Variants in PLEKHG1 observed in about 807,000 individuals in gnomAD.
The protein encoded by PLEKHG1 is pleckstrin homology domain-containing family G member 1.
In PLEKHG1, 44 loss-of-function variants were observed where a neutral mutation model predicts 100.8. That is an observed-to-expected ratio of 0.44 (90% CI 0.34 to 0.56). PLEKHG1 has a LOEUF of 0.56. PLEKHG1 is among the 20% of genes least tolerant of loss of function. PLEKHG1 has a pLI of 0.01. For missense variants in PLEKHG1, 1,545 were observed against 1,720.9 expected (o/e 0.90, Z 1.81); for synonymous variants, 640 against 662.5 (o/e 0.97, Z 0.52).
chr6:150,703,414 A>G (rs967980592), intron 3 of PLEKHG1, among the ~76,000 whole-genome samples: 1 of 152,146 alleles, frequency 6.6e-6, no homozygotes, highest in Non-Finnish European at 1.5e-5. Context: ...CAGCCTGGCC[A>G]ACATGGTGAA....
rs545760951 is a variant in PLEKHG1 at position 150,727,666 on chromosome 6, G to A, written c.-98-5918G>A. 9.2e-5 allele frequency among the ~76,000 whole-genome samples: 14 copies of A among 151,760 alleles called. No homozygotes were observed. In the East Asian group the frequency reaches 2.7e-3, roughly 29 times the overall value. On this transcript the variant is annotated intron_variant, in intron 1 of 15. Coordinates refer to ENST00000358517, the Ensembl canonical transcript of PLEKHG1. ...GGCTAACCAGTGCTTTTCATTGTGCGACTCAGTAAGTCTCTAAGGTTCCTC... is the reference window on the plus strand; with the variant it reads ...GGCTAACCAGTGCTTTTCATTGTGCAACTCAGTAAGTCTCTAAGGTTCCTC...
intron 10 of PLEKHG1, 44 bp downstream of exon 11, chr6:150,809,778 A>G (rs1192805819): frequency 6.8e-7 from 1 of 1,471,466 alleles, no homozygotes; most frequent in South Asian, 1.2e-5. Flanking sequence ...GAGAGATACA[A>G]GAATCATTTG....
intron 1 of PLEKHG1, among the ~76,000 whole-genome samples, chr6:150,616,988 A>C (rs1252598754): frequency 6.6e-6 from 1 of 152,250 alleles, no homozygotes; most frequent in African/African-American, 2.4e-5. Flanking sequence ...GATTAAAAAG[A>C]AAATCAAGAA....
intron 7 of PLEKHG1, among the ~76,000 whole-genome samples, chr6:150,808,432 TC>T (rs577221415): frequency 1.3e-5 from 2 of 150,626 alleles, no homozygotes; most frequent in Non-Finnish European, 3.0e-5. Flanking sequence ...TTTTTTTTTT[TC>T]CCAGAGAGGA....
chr6:150,686,026 C>T (rs1780117800), intron 3 of PLEKHG1, among the ~76,000 whole-genome samples: 1 of 152,242 alleles, frequency 6.6e-6, no homozygotes, highest in Admixed American at 6.5e-5. Context: ...CTAGAACTTT[C>T]TAGAGCTACT....
intron 2 of PLEKHG1, among the ~76,000 whole-genome samples, chr6:150,649,320 T>G (rs1778620941): frequency 6.6e-6 from 1 of 152,218 alleles, no homozygotes; most frequent in Admixed American, 6.5e-5. Context: ...TTCAAAAATT[T>G]TGGAATCCGG....
intron 1 of PLEKHG1, among the ~76,000 whole-genome samples, chr6:150,727,553 C>T (rs748140727): frequency 2.1e-4 from 32 of 152,064 alleles, no homozygotes; most frequent in Non-Finnish European, 4.1e-4. Context: ...GTATGAAAGT[C>T]TAGCTACATA....
intron 3 of PLEKHG1, among the ~76,000 whole-genome samples, chr6:150,708,808 A>G (rs1213532999): frequency 6.6e-6 from 1 of 152,200 alleles, no homozygotes; most frequent in African/African-American, 2.4e-5. Context: ...TTGGGATGCA[A>G]CCACAAATGA....
At chr6:150,807,447 G>C (rs1787191129) in intron 7 of PLEKHG1, among the ~76,000 whole-genome samples, 1 of 152,122 alleles carries the variant, frequency 6.6e-6, no homozygotes, top group South Asian at 2.1e-4. Flanking sequence ...TTTTCAACCA[G>C]TAAAGTTTTT....
chr6:150,840,085 C>T (rs1256411237), exon 16 of PLEKHG1: 1 of 1,614,178 alleles, frequency 6.2e-7, no homozygotes, highest in Admixed American at 1.7e-5. Context: ...GAGATCAATA[C>T]AAAAAGTACT....
At chr6:150,639,028 CT>C (rs1215500481) in intron 2 of PLEKHG1, among the ~76,000 whole-genome samples, 1 of 152,194 alleles carries the variant, frequency 6.6e-6, no homozygotes, top group Non-Finnish European at 1.5e-5. Flanking sequence ...TTCACTTCCT[CT>C]GGAAAGCCCA....
intron 3 of PLEKHG1, among the ~76,000 whole-genome samples, chr6:150,709,529 A>T (rs923626448): frequency 6.6e-6 from 1 of 152,192 alleles, no homozygotes; most frequent in Non-Finnish European, 1.5e-5. Context: ...ACCCCAAATC[A>T]TGGAACCTTA....
At chr6:150,792,133 T>G (rs184819915) in intron 4 of PLEKHG1, among the ~76,000 whole-genome samples, 135 of 152,156 alleles carry the variant, frequency 8.9e-4, no homozygotes, top group Middle Eastern at 3.4e-3. Context: ...AAGTTGTATT[T>G]TATCCTTTAA....
Position 150,818,234 on chromosome 6 carries a change from A to C in PLEKHG1, c.1312+18A>C. 1 of 1,558,554 alleles carries C rather than the reference A, an allele frequency of 6.4e-7. No individual in the cohort carries two copies. On this transcript the variant is annotated intron_variant, in intron 11 of 15. Coordinates refer to ENST00000358517, the Ensembl canonical transcript of PLEKHG1. ...TGCCATTCGTAAGTTTTATTTCCTT[A>C]AAACAATTTGAAATTTCATTGTCTG...
At chr6:150,725,183 C>T (rs1781898377) in intron 1 of PLEKHG1, among the ~76,000 whole-genome samples, 1 of 152,084 alleles carries the variant, frequency 6.6e-6, no homozygotes, top group Non-Finnish European at 1.5e-5. Flanking sequence ...TCCTGTGTAT[C>T]CTCACATGGC....
chr6:150,676,259 G>A (rs2128587322), intron 3 of PLEKHG1, among the ~76,000 whole-genome samples: 1 of 152,282 alleles, frequency 6.6e-6, no homozygotes, highest in Admixed American at 6.5e-5. Context: ...ATAAATGTGA[G>A]CACAACGTCA....
chr6:150,685,812 T>C (rs1201718400), intron 3 of PLEKHG1, among the ~76,000 whole-genome samples: 3 of 152,176 alleles, frequency 2.0e-5, no homozygotes, highest in Non-Finnish European at 2.9e-5. Context: ...ACTATCTTGA[T>C]CTTATTAAAT....
intron 3 of PLEKHG1, among the ~76,000 whole-genome samples, chr6:150,659,894 A>G (rs1779116196): frequency 6.6e-6 from 1 of 152,212 alleles, no homozygotes. Flanking sequence ...GGTTTTATGC[A>G]TGGCACACAG....
chr6:150,655,717 AAAAAAAAAAAAAAG>A (rs1325354198), intron 3 of PLEKHG1, among the ~76,000 whole-genome samples: 2 of 151,270 alleles, frequency 1.3e-5, no homozygotes, highest in African/African-American at 4.8e-5. Flanking sequence ...CAAAAAAAAA[AAAAAAAAAAAAAAG>A]AAAATGTGAC....
Sources: allele counts gnomAD v4.1 joint callset (sites outside exome capture counted in the v4.1 genomes callset), GRCh38; gene constraint gnomAD v4.1.1; transcripts MANE v1.5; gene names NCBI Gene and HGNC (gene_info 2026-07-23, HGNC 2026-07-21).